MTHFD1L: variants seen among roughly 807,000 people sequenced by gnomAD.
MTHFD1L encodes methylenetetrahydrofolate dehydrogenase (NADP+ dependent) 1 like, also known as monofunctional C1-tetrahydrofolate synthase, mitochondrial.
A neutral mutation model predicts 119.5 loss-of-function variants in MTHFD1L; 81 were observed. That is an observed-to-expected ratio of 0.68 (90% CI 0.57 to 0.82). The LOEUF is 0.82. Ranked by LOEUF, MTHFD1L falls within the 40% of genes least tolerant of loss-of-function variation. MTHFD1L has a pLI of 0.00. For synonymous variants in MTHFD1L, 430 were observed against 475.2 expected (o/e 0.90, Z 1.24); for missense variants, 1,125 against 1,253.4 (o/e 0.90, Z 1.55).
At chr6:150,872,315 A>G (rs11757561) in intron 1 of MTHFD1L, among the ~76,000 whole-genome samples, 42,822 of 152,016 alleles carry the variant, frequency 0.28, 6,801 homozygotes, top group East Asian at 0.43. Context: ...TTGGCTTTCA[A>G]TACACCCTCC....
At chr6:150,986,216 T>C (rs1778284070) in intron 20 of MTHFD1L, among the ~76,000 whole-genome samples, 1 of 152,256 alleles carries the variant, frequency 6.6e-6, no homozygotes, top group Admixed American at 6.5e-5. Flanking sequence ...ATGAAAGTGC[T>C]AGTCAGTAAT....
chr6:151,005,898 T>G (rs1392782528), intron 20 of MTHFD1L, among the ~76,000 whole-genome samples: 1 of 152,116 alleles, frequency 6.6e-6, no homozygotes, highest in African/African-American at 2.4e-5. Context: ...CATTGTAGTA[T>G]TGTAAGAAAA....
chr6:150,999,099 C>T (rs1428704741), intron 20 of MTHFD1L, among the ~76,000 whole-genome samples: 2 of 151,700 alleles, frequency 1.3e-5, no homozygotes, highest in African/African-American at 2.4e-5. Flanking sequence ...CAAGATATCT[C>T]GTTATGTATA....
At chr6:151,007,394 AAT>A (rs1475568646) in intron 20 of MTHFD1L, among the ~76,000 whole-genome samples, 5 of 152,104 alleles carry the variant, frequency 3.3e-5, no homozygotes, top group African/African-American at 1.2e-4. Flanking sequence ...AATTCCCACA[AAT>A]GCTTAGGAAT....
At chr6:151,041,581 G>T (rs1750877944) in intron 26 of MTHFD1L, among the ~76,000 whole-genome samples, 1 of 152,214 alleles carries the variant, frequency 6.6e-6, no homozygotes, top group Admixed American at 6.5e-5. Context: ...CCATTCTCCT[G>T]CAGGGTTCAT....
chr6:150,888,092 A>G (rs1242307098), intron 7 of MTHFD1L, 111 bp downstream of exon 7: 4 of 1,191,962 alleles, frequency 3.4e-6, no homozygotes, highest in Non-Finnish European at 4.5e-6. Context: ...AAGAAAATTG[A>G]ATAGACCCAT....
At chr6:151,053,636 G>T (rs776571132) in intron 26 of MTHFD1L, among the ~76,000 whole-genome samples, 45 of 152,170 alleles carry the variant, frequency 3.0e-4, no homozygotes, top group Admixed American at 1.8e-3. Context: ...GAGGCAGGTG[G>T]ATCACCTGAG....
At chr6:150,868,055 C>T (rs1373419961) in intron 1 of MTHFD1L, among the ~76,000 whole-genome samples, 1 of 152,094 alleles carries the variant, frequency 6.6e-6, no homozygotes, top group Non-Finnish European at 1.5e-5. Flanking sequence ...CTGCCTTGGC[C>T]TCCCAAAGTG....
intron 20 of MTHFD1L, among the ~76,000 whole-genome samples, chr6:151,008,718 G>T (rs1415041212): frequency 1.3e-5 from 2 of 152,194 alleles, no homozygotes; most frequent in Non-Finnish European, 2.9e-5. Flanking sequence ...CTGCTGTCTT[G>T]TATCCAGATT....
At chr6:150,989,166 A>G (rs1778728667) in intron 20 of MTHFD1L, among the ~76,000 whole-genome samples, 1 of 152,250 alleles carries the variant, frequency 6.6e-6, no homozygotes. Flanking sequence ...GTACTATGCA[A>G]ATTACAAACT....
intron 20 of MTHFD1L, among the ~76,000 whole-genome samples, chr6:150,994,092 A>G (rs1562508871): frequency 1.3e-4 from 19 of 147,536 alleles, no homozygotes; most frequent in African/African-American, 4.8e-4. Context: ...AAAGAAAGAA[A>G]GAAAGTGACC....
intron 17 of MTHFD1L, chr6:150,959,117 G>C: frequency 3.5e-6 from 3 of 864,514 alleles, no homozygotes; most frequent in Non-Finnish European, 4.2e-6. Flanking sequence ...GAGTTATATT[G>C]AGAATGTAAT....
chr6:150,886,044 C>T (rs368685720), intron 6 of MTHFD1L, among the ~76,000 whole-genome samples: 8 of 152,174 alleles, frequency 5.3e-5, no homozygotes, highest in Admixed American at 5.2e-4. Flanking sequence ...CTCAATTTCT[C>T]TCATGAAACA....
Position 150,865,739 on chromosome 6 carries a change from G to GCCGCCA in MTHFD1L, c.-79_-78insACCGCC. ...GGTCCTTCCCGCCGCCGCCGCCGCC[G>GCCGCCA]CCGCCGCCTGCTCCCCTGGCACGCG... On this transcript the variant is annotated 5_prime_UTR_variant, in exon 1 of 28. Coordinates refer to ENST00000367321, the MANE Select transcript of MTHFD1L (RefSeq NM_015440.5). 1.7e-6 allele frequency: 2 copies of GCCGCCA among 1,146,364 alleles called. No homozygotes were observed. Among genetic ancestry groups the GCCGCCA allele is most frequent in the Non-Finnish European group, 1.1e-6 (1 of 929,978 alleles). 71.0% of individuals were successfully genotyped at this position (1,146,364 alleles called of 1,614,324 possible). A position where few individuals can be genotyped will look rare whatever the true frequency, so the allele number is the denominator to read the frequency against.
chr6:150,969,994 G>A (rs926530083), intron 19 of MTHFD1L, among the ~76,000 whole-genome samples: 4 of 152,190 alleles, frequency 2.6e-5, no homozygotes, highest in African/African-American at 9.7e-5. Context: ...TGGGTTTTAT[G>A]TATCTAATCA....
rs1284458015 is a variant in MTHFD1L at position 151,068,921 on chromosome 6, G to A, written c.2848-23546G>A. Among the ~76,000 whole-genome samples, 8 of 152,294 alleles carry A rather than the reference G, an allele frequency of 5.3e-5. No homozygotes were observed. The East Asian group carries it at 1.5e-3, about 29-fold the overall frequency. On this transcript the variant is annotated intron_variant, in intron 26 of 27. Transcript: ENST00000367321. ...CTTTTGAACTTGGCTCAATTTCTTG[G>A]AAGCATTGATCATGGGATCCCGCTT...
intron 26 of MTHFD1L, among the ~76,000 whole-genome samples, chr6:151,067,251 G>A (rs531665090): frequency 1.8e-4 from 28 of 151,776 alleles, no homozygotes; most frequent in African/African-American, 6.0e-4. Flanking sequence ...CCCGGCCATC[G>A]ATTTGATTAT....
intron 24 of MTHFD1L, among the ~76,000 whole-genome samples, chr6:151,019,556 T>C (rs1379015068): frequency 6.6e-6 from 1 of 152,244 alleles, no homozygotes. Flanking sequence ...AGTCCTCTAT[T>C]GATAGGCGAC....
chr6:150,934,752 C>T (rs1791752917), intron 11 of MTHFD1L, among the ~76,000 whole-genome samples: 1 of 152,150 alleles, frequency 6.6e-6, no homozygotes, highest in South Asian at 2.1e-4. Flanking sequence ...AAACTGTAAA[C>T]CCTAATGACA....
Sources: allele counts gnomAD v4.1 joint callset (sites outside exome capture counted in the v4.1 genomes callset), GRCh38; gene constraint gnomAD v4.1.1; transcripts MANE v1.5; gene names NCBI Gene and HGNC (gene_info 2026-07-23, HGNC 2026-07-21).